Variants in EML4 observed in about 807,000 individuals in gnomAD.
The protein encoded by EML4 is EMAP like 4.
Under a neutral mutation model 129.0 loss-of-function variants are expected in EML4, and 72 were observed. The observed-to-expected ratio is 0.56, with a 90% CI of 0.46 to 0.68. EML4 has a LOEUF of 0.68. Ranked by LOEUF, EML4 falls within the 30% of genes least tolerant of loss-of-function variation. The pLI is 0.00. For missense variants in EML4, 1,363 were observed against 1,190.6 expected (o/e 1.14, Z -2.13); for synonymous variants, 532 against 405.0 (o/e 1.31, Z -3.77).
intron 1 of EML4, among the ~76,000 whole-genome samples, chr2:42,184,628 A>G (rs1046936699): frequency 2.0e-5 from 3 of 151,866 alleles, no homozygotes; most frequent in African/African-American, 7.3e-5. Context: ...ACCGTTATTT[A>G]TTCAATATCT....
intron 1 of EML4, among the ~76,000 whole-genome samples, chr2:42,244,101 G>GTTTTTTTTTTTTTTTTTTTTTTTT (rs147426155): frequency 2.5e-5 from 2 of 81,368 alleles, no homozygotes; most frequent in Non-Finnish European, 6.0e-5. Flanking sequence ...TTTGTTTTTT[G>GTTTTTTTTTTTTTTTTTTTTTTTT]TTTTTTTTTT....
intron 22 of EML4, 147 bp from the exon 23 acceptor site, chr2:42,329,587 C>T (rs377266271): frequency 1.6e-5 from 10 of 636,800 alleles, no homozygotes; most frequent in East Asian, 1.1e-4. Context: ...GCTAGCCTTA[C>T]TCCTGAGATT....
At chr2:42,196,175 C>CATTCAGTT (rs1671885567) in intron 1 of EML4, among the ~76,000 whole-genome samples, 1 of 151,828 alleles carries the variant, frequency 6.6e-6, no homozygotes, top group Non-Finnish European at 1.5e-5. Flanking sequence ...TTCATTCAGT[C>CATTCAGTT]ATTAATGAGT....
intron 13 of EML4, among the ~76,000 whole-genome samples, chr2:42,297,343 C>T (rs1043172794): frequency 2.0e-5 from 3 of 152,088 alleles, no homozygotes; most frequent in South Asian, 2.1e-4. Context: ...GCAGAATTTG[C>T]GTATAAATAT....
In EML4 at chr2:42,317,489, A is replaced by G; in HGVS notation, c.2119A>G (p.Asn707Asp). ...TATTTACCTCTATGTAGTCTCTGAA[A>G]ATGGAAGAAAATATAGCAGATATGG... ...NFIYLYVVSENGRKYSRYGRC... is the reference protein window; with the variant it reads ...NFIYLYVVSEDGRKYSRYGRC... Residue 707 changes from asparagine (N) to aspartate (D), a missense_variant, in exon 19 of 23, where the codon AAT becomes GAT. Physicochemically the swap from Asn to Asp is conservative, Grantham distance 23. Coordinates refer to ENST00000318522, the MANE Select transcript of EML4 (RefSeq NM_019063.5). 6.2e-7 allele frequency: 1 copy of G among 1,612,374 alleles called. No individual in the cohort carries two copies. Among genetic ancestry groups the G allele is most frequent in the South Asian group, 1.1e-5 (1 of 90,878 alleles).
rs765241877 is a variant in EML4, at chr2:42,303,113, C to G, written c.1651C>G (p.Gln551Glu). 14 of 1,613,670 alleles carry G rather than the reference C, an allele frequency of 8.7e-6. No individual in the cohort carries two copies. In the Admixed American group the frequency reaches 1.3e-4, roughly 15 times the overall value. ...ACACTTTTTTTTCTAGGTTCCTGAT[C>G]AGTATGGCACAATCAGAGCTGTAGC... ...NPEREIEVPD[Q>E]YGTIRAVAEG... The change falls in exon 15 of 23, where the codon CAG becomes GAG. Residue 551 changes from glutamine (Q) to glutamate (E), a missense_variant. Transcript: ENST00000318522.
rs761494822 is a variant in EML4, at chr2:42,317,503, T to C, written c.2133T>C (p.Tyr711=). 4.3e-6 allele frequency: 7 copies of C among 1,610,628 alleles called. No homozygotes were observed. The highest frequency in any genetic ancestry group is 2.2e-5 in the East Asian group (1 of 44,796). ...LYVVSENGRK[Y]SRYGRCTGHS... ...TAGTCTCTGAAAATGGAAGAAAATA[T>C]AGCAGATATGGAAGGTGCACTGTAA... Residue 711 remains tyrosine, a synonymous_variant, in exon 19 of 23, where the codon TAT becomes TAC. Coordinates refer to ENST00000318522, the MANE Select transcript of EML4 (RefSeq NM_019063.5).
chr2:42,266,503 C>T (rs979303473), intron 6 of EML4, among the ~76,000 whole-genome samples: 1 of 151,782 alleles, frequency 6.6e-6, no homozygotes, highest in African/African-American at 2.4e-5. Context: ...CACCACATAC[C>T]TGGCTGATTT....
At chr2:42,296,514 G>T (rs1334529926) in intron 13 of EML4, among the ~76,000 whole-genome samples, 1 of 151,694 alleles carries the variant, frequency 6.6e-6, no homozygotes, top group Non-Finnish European at 1.5e-5. Context: ...CCTTGCATCA[G>T]ACCATGAAAA....
intron 19 of EML4, among the ~76,000 whole-genome samples, chr2:42,317,763 G>T (rs1669322135): frequency 6.6e-6 from 1 of 152,182 alleles, no homozygotes; most frequent in African/African-American, 2.4e-5. Context: ...TTTTAAAACA[G>T]TTTCTTAAAG....
At chr2:42,316,470 A>G (rs1669250566) in intron 18 of EML4, among the ~76,000 whole-genome samples, 1 of 152,264 alleles carries the variant, frequency 6.6e-6, no homozygotes, top group Non-Finnish European at 1.5e-5. Flanking sequence ...CAAGTCCTTT[A>G]GAATCTAGTG....
At position 42,169,520 on chromosome 2, in the gene EML4, G is replaced by T; in HGVS notation, c.-92G>T. On this transcript the variant is annotated 5_prime_UTR_variant, in exon 1 of 23. Transcript: ENST00000318522. ...AGCCGAGCCGGGCGACCTAGAGAAC[G>T]AGCGGGTCAGGCTCAGCGTCGGCCA... is the stretch of plus-strand genomic sequence containing the variant. 1 of 1,439,484 alleles carries T rather than the reference G, an allele frequency of 6.9e-7. No individual in the cohort carries two copies. Among genetic ancestry groups the T allele is most frequent in the African/African-American group, 1.4e-5 (1 of 69,248 alleles). 89.2% of individuals were successfully genotyped at this position (1,439,484 alleles called of 1,614,324 possible). A position where few individuals can be genotyped will look rare whatever the true frequency, so the allele number is the denominator to read the frequency against.
Position 42,282,867 on chromosome 2 carries a change from T to C in EML4, c.836T>C (p.Leu279Pro). 1.2e-6 allele frequency: 2 copies of C among 1,613,416 alleles called. No individual in the cohort carries two copies. The highest frequency in any genetic ancestry group is 1.7e-6 in the Non-Finnish European group (2 of 1,179,386). Reference sequence around the variant, plus strand: ...GACTGTAGAGCTAATGTTTACCTTCTTCCGACCGGGAAAATAGTTTATTTC... The same window carrying C: ...GACTGTAGAGCTAATGTTTACCTTCCTCCGACCGGGAAAATAGTTTATTTC... The part of the protein sequence containing the change: ...GKDCRANVYL[L>P]PTGKIVYFIA... The change falls in exon 8 of 23, where the codon CTT (leucine) becomes CCT (proline). Residue 279 changes from leucine to proline, a missense_variant. Coordinates refer to ENST00000318522, the MANE Select transcript of EML4 (RefSeq NM_019063.5).
chr2:42,263,307 G>A lies in EML4; in HGVS notation c.641+1G>A. The A allele has an allele frequency of 6.4e-7, 1 of 1,563,684 alleles. No individual in the cohort carries two copies. Among genetic ancestry groups the A allele is most frequent in the South Asian group, 1.1e-5 (1 of 89,712 alleles). Reference sequence around the variant, plus strand: ...CAAAAGTTACCAAAACTGCAGACAAGTAAGTATTGCACTTTCTTCATTATA... The same window carrying A: ...CAAAAGTTACCAAAACTGCAGACAAATAAGTATTGCACTTTCTTCATTATA... On this transcript the variant is annotated splice_donor_variant, in intron 5 of 22. Transcript: ENST00000318522. LOFTEE classifies it high-confidence loss of function.
chr2:42,263,120 T>C, intron 4 of EML4, 58 bp from the exon 5 acceptor site: 1 of 1,396,392 alleles, frequency 7.2e-7, no homozygotes, highest in Non-Finnish European at 1.0e-6. Flanking sequence ...GTTTAAATTG[T>C]CAGTTACATG....
At chr2:42,182,890 T>C (rs567169628) in intron 1 of EML4, among the ~76,000 whole-genome samples, 2 of 152,292 alleles carry the variant, frequency 1.3e-5, no homozygotes, top group East Asian at 3.9e-4. Flanking sequence ...CTTTTCTTTG[T>C]GTGTACATAT....
rs1471654693 is a variant in EML4, at chr2:42,282,888, A to G, written c.857A>G (p.Tyr286Cys). 6.2e-7 allele frequency: 1 copy of G among 1,611,900 alleles called. No homozygotes were observed. The highest frequency in any genetic ancestry group is 1.7e-5 in the Admixed American group (1 of 60,006). The change falls in exon 8 of 23, where the codon TAT becomes TGT. Residue 286 changes from tyrosine (Y) to cysteine (C), a missense_variant. Tyr to Cys is a radical substitution (Grantham distance 194). Transcript: ENST00000318522. ...CTTCTTCCGACCGGGAAAATAGTTT[A>G]TTTCATTGCATCAGTAGTAGTACTA... ...VYLLPTGKIV[Y>C]FIASVVVLFN...
At chr2:42,256,840 G>A (rs896422990) in intron 3 of EML4, among the ~76,000 whole-genome samples, 18 of 152,144 alleles carry the variant, frequency 1.2e-4, no homozygotes, top group African/African-American at 4.1e-4. Context: ...GAAGCTTTCC[G>A]TTCTCACTAA....
intron 19 of EML4, among the ~76,000 whole-genome samples, chr2:42,319,323 A>C (rs1053713449): frequency 6.6e-6 from 1 of 152,236 alleles, no homozygotes; most frequent in Non-Finnish European, 1.5e-5. Flanking sequence ...GAATAATCAG[A>C]ATGACTTGGA....
Sources: gnomAD v4.1 joint callset for allele counts (sites outside exome capture counted in the v4.1 genomes callset) on GRCh38, gnomAD v4.1.1 for gene constraint, MANE v1.5 for transcripts, NCBI Gene and HGNC (gene_info 2026-07-23, HGNC 2026-07-21) for gene names.